The following EPHX1 variants were observed in gnomAD, a reference collection of about 807,000 sequenced individuals.
The protein encoded by EPHX1 is epoxide hydrolase 1, also known as epoxide hydratase.
A neutral mutation model predicts 43.2 loss-of-function variants in EPHX1; 40 were observed. The observed-to-expected ratio is 0.93, with a 90% CI of 0.72 to 1.21. The LOEUF (loss-of-function observed/expected upper bound fraction) is 1.21, where lower values mean the gene tolerates loss of function less well. Ranked by LOEUF, EPHX1 falls within the 50% of genes most tolerant of loss-of-function variation. The pLI is 0.00. For synonymous variants in EPHX1, 221 were observed against 226.7 expected, an observed-to-expected ratio of 0.98 and a Z score of 0.22; for missense variants, 550 against 570.4, an observed-to-expected ratio of 0.96 and a Z score of 0.36.
chr1:225,819,099 C>T lies in EPHX1; in HGVS notation c.-6+8930C>T, dbSNP rs1380035473. Among the ~76,000 whole-genome samples the T allele has an allele frequency of 1.2e-4, 2 of 17,146 alleles. 1 individual carries two copies. Among genetic ancestry groups the T allele is most frequent in the African/African-American group, 3.2e-4 (2 of 6,288 alleles). 11.2% of individuals were successfully genotyped at this position (17,146 alleles called of 152,430 possible). A position where few individuals can be genotyped will look rare whatever the true frequency, so the allele number is the denominator to read the frequency against. On this transcript the variant is annotated intron_variant, in intron 1 of 8. Coordinates refer to ENST00000272167, the MANE Select transcript of EPHX1 (RefSeq NM_001136018.4). ...AAAATTAGCCGGGCGTAGTGGCGGG[C>T]GCCTGTAGTCCCAGCTACTTGGGAG...
intron 1 of EPHX1, among the ~76,000 whole-genome samples, chr1:225,812,617 C>T (rs1360959010): frequency 1.3e-5 from 2 of 152,238 alleles, no homozygotes; most frequent in African/African-American, 4.8e-5. Context: ...TGATTGCTCA[C>T]CTGGCACCTT....
Position 225,815,411 on chromosome 1 carries a change from C to CT in EPHX1, c.-6+5264dup, listed in dbSNP as rs5781415. Among the ~76,000 whole-genome samples, 255 of 78,186 alleles carry CT rather than the reference C, an allele frequency of 3.3e-3. 12 individuals carry two copies. Among genetic ancestry groups the CT allele is most frequent in the East Asian group, 4.4e-3 (10 of 2,262 alleles). 51.3% of individuals were successfully genotyped at this position (78,186 alleles called of 152,430 possible). Reference sequence around the variant, plus strand: ...TGCACCACCATGCCCAGCTAATTTTCTTTTTTTTTTTTTTTTTTTTTTGTA... The same window carrying CT: ...TGCACCACCATGCCCAGCTAATTTTCTTTTTTTTTTTTTTTTTTTTTTTGTA... On this transcript the variant is annotated intron_variant, in intron 1 of 8. Transcript: ENST00000272167.
chr1:225,834,610 T>A (rs1362512057), intron 3 of EPHX1, among the ~76,000 whole-genome samples: 8 of 95,206 alleles, frequency 8.4e-5, no homozygotes, highest in East Asian at 3.8e-4. Context: ...AAAAAAAAAA[T>A]CTGGAATGAT....
At chr1:225,833,078 G>A (rs1032110202) in intron 3 of EPHX1, among the ~76,000 whole-genome samples, 11 of 152,128 alleles carry the variant, frequency 7.2e-5, no homozygotes, top group African/African-American at 1.9e-4. Flanking sequence ...CCACAGCCTC[G>A]AACTCCTGGG....
chr1:225,827,045 G>A (rs906793457), intron 1 of EPHX1, among the ~76,000 whole-genome samples: 19 of 152,144 alleles, frequency 1.2e-4, no homozygotes, highest in Non-Finnish European at 2.5e-4. Flanking sequence ...GAGCTCTATC[G>A]CTGGACCACT....
At chr1:225,811,726 T>C (rs1344053690) in intron 1 of EPHX1, among the ~76,000 whole-genome samples, 2 of 152,190 alleles carry the variant, frequency 1.3e-5, no homozygotes, top group East Asian at 1.9e-4. Context: ...CCCCACTTGG[T>C]CTGACTTAGC....
At chr1:225,835,516 A>T (rs1183925794) in intron 3 of EPHX1, among the ~76,000 whole-genome samples, 3 of 150,522 alleles carry the variant, frequency 2.0e-5, no homozygotes, top group Non-Finnish European at 4.4e-5. Context: ...CAGCCTCCCG[A>T]GTAGCTGGGA....
At chr1:225,816,889 C>G (rs1666749921) in intron 1 of EPHX1, among the ~76,000 whole-genome samples, 1 of 152,188 alleles carries the variant, frequency 6.6e-6, no homozygotes, top group Admixed American at 6.5e-5. Context: ...TTCTATCTCT[C>G]CAGACATGTA....
chr1:225,843,135 G>T (rs1317366004), intron 7 of EPHX1, among the ~76,000 whole-genome samples: 1 of 152,190 alleles, frequency 6.6e-6, no homozygotes, highest in Admixed American at 6.5e-5. Flanking sequence ...AACAATGCCG[G>T]GTGAACAGTG....
chr1:225,824,658 TGGCCAGCTCTCC>T (rs966224219), intron 1 of EPHX1, among the ~76,000 whole-genome samples: 3 of 152,232 alleles, frequency 2.0e-5, no homozygotes, highest in Non-Finnish European at 4.4e-5. Context: ...CCACTCTGCC[TGGCCAGCTCTCC>T]GACAAAGCAG....
rs1668173625 is a variant in EPHX1 at position 225,839,303 on chromosome 1, T to TG, written c.684dup (p.Ser229ValfsTer6). ...GGAATTCTACATTCAAGGAGGGGACTGGGGGTCCCTGATCTGCACTAATAT... is the reference window on the plus strand; with the variant it reads ...GGAATTCTACATTCAAGGAGGGGACTGGGGGGTCCCTGATCTGCACTAATAT... On this transcript the variant is annotated frameshift_variant, in exon 5 of 9. Coordinates refer to ENST00000272167, the MANE Select transcript of EPHX1 (RefSeq NM_001136018.4). LOFTEE classifies it high-confidence loss of function. The TG allele has an allele frequency of 6.2e-7, 1 of 1,613,962 alleles. No homozygotes were observed. The highest frequency in any genetic ancestry group is 8.5e-7 in the Non-Finnish European group (1 of 1,180,006).
intron 2 of EPHX1, 42 bp downstream of exon 2, chr1:225,828,954 G>T: frequency 6.4e-7 from 1 of 1,550,874 alleles, no homozygotes; most frequent in Non-Finnish European, 8.7e-7. Flanking sequence ...AGTGGAGAGG[G>T]TGGTGTGTCG....
chr1:225,834,654 T>TG (rs1280097103), intron 3 of EPHX1, among the ~76,000 whole-genome samples: 1 of 151,876 alleles, frequency 6.6e-6, no homozygotes, highest in African/African-American at 2.4e-5. Flanking sequence ...TCTTGAGTGT[T>TG]GCTGTATTCT....
Position 225,839,994 on chromosome 1 carries a change from G to C in EPHX1, c.888G>C (p.Glu296Asp), listed in dbSNP as rs753199509. The C allele has an allele frequency of 4.5e-5, 72 of 1,614,090 alleles. No individual in the cohort carries two copies. The highest frequency in any genetic ancestry group is 3.6e-5 in the Non-Finnish European group (43 of 1,180,038). ...KEKVFYSLMR[E>D]SGYMHIQCTK... The stretch of plus-strand genomic sequence containing the variant: ...AGGTATTCTACAGCCTGATGAGGGA[G>C]AGCGGCTACATGCACATCCAGTGCA... The change falls in exon 6 of 9, where the codon GAG becomes GAC. Residue 296 changes from glutamate (E) to aspartate (D), a missense_variant. By Grantham distance (45) the Glu-to-Asp change is conservative. Coordinates refer to ENST00000272167, the MANE Select transcript of EPHX1 (RefSeq NM_001136018.4).
intron 3 of EPHX1, 73 bp from the exon 4 acceptor site, chr1:225,838,581 C>CT: frequency 7.3e-7 from 1 of 1,367,956 alleles, no homozygotes; most frequent in Non-Finnish European, 1.0e-6. Context: ...TATCTAGGCT[C>CT]TGGGGGGTGC....
At chr1:225,823,339 C>T (rs1215504930) in intron 1 of EPHX1, among the ~76,000 whole-genome samples, 3 of 152,144 alleles carry the variant, frequency 2.0e-5, no homozygotes, top group South Asian at 2.1e-4. Flanking sequence ...CCAAAGCCCT[C>T]GTATTGTAAC....
rs199506046 is a variant in EPHX1 at position 225,812,460 on chromosome 1, G to C, written c.-6+2291G>C. Among the ~76,000 whole-genome samples, 7 of 152,316 alleles carry C rather than the reference G, an allele frequency of 4.6e-5. No homozygotes were observed. In the East Asian group the frequency reaches 1.3e-3, roughly 29 times the overall value. On this transcript the variant is annotated intron_variant, in intron 1 of 8. Transcript: ENST00000272167. ...GTGGGCAGAGGGACCTTTGCAGAAA[G>C]GGCATCTTGACCACTGCAGGAGGTG...
intron 3 of EPHX1, 141 bp from the exon 4 acceptor site, chr1:225,838,513 C>A: frequency 1.4e-6 from 1 of 707,202 alleles, no homozygotes; most frequent in South Asian, 1.7e-5. Flanking sequence ...AGTGTCAGCC[C>A]TTATTACTGT....
intron 1 of EPHX1, among the ~76,000 whole-genome samples, chr1:225,824,977 G>C (rs1301937379): frequency 6.6e-6 from 1 of 152,184 alleles, no homozygotes. Context: ...GAGATCAGTG[G>C]CTGTAAGGCA....
Sources: allele counts gnomAD v4.1 joint callset (sites outside exome capture counted in the v4.1 genomes callset), GRCh38; gene constraint gnomAD v4.1.1; transcripts MANE v1.5; gene names NCBI Gene and HGNC (gene_info 2026-07-23, HGNC 2026-07-21).